Variants in HCRTR2 observed in about 807,000 individuals in gnomAD.
HCRTR2 encodes orexin receptor type 2.
HCRTR2 carries 22 observed loss-of-function variants against 49.0 expected under a neutral mutation model. The observed-to-expected ratio is 0.45, with a 90% CI of 0.32 to 0.64. HCRTR2 has a LOEUF of 0.64. HCRTR2 is among the 30% of genes least tolerant of loss of function. The pLI is 0.04. For missense variants in HCRTR2, 491 were observed against 559.4 expected (o/e 0.88, Z 1.23); for synonymous variants, 236 against 205.3 (o/e 1.15, Z -1.28).
intron 1 of HCRTR2, among the ~76,000 whole-genome samples, chr6:55,207,001 C>T (rs1459755729): frequency 2.0e-5 from 3 of 151,954 alleles, no homozygotes; most frequent in African/African-American, 7.2e-5. Flanking sequence ...TAAAATATGC[C>T]TAATTTTCCA....
chr6:55,166,847 A>T (rs1764884505), intron 1 of HCRTR2, among the ~76,000 whole-genome samples: 1 of 152,174 alleles, frequency 6.6e-6, no homozygotes, highest in Non-Finnish European at 1.5e-5. Flanking sequence ...ATATCCATAT[A>T]ATTAAATACT....
At chr6:55,133,352 T>C (rs1561982107) in intron 1 of HCRTR2, among the ~76,000 whole-genome samples, 1 of 149,722 alleles carries the variant, frequency 6.7e-6, no homozygotes, top group African/African-American at 2.5e-5. Context: ...TGTATGTGTG[T>C]GAGAGAGAGA....
At chr6:55,156,797 T>TATCTC (rs1192009680) in intron 1 of HCRTR2, among the ~76,000 whole-genome samples, 4 of 152,050 alleles carry the variant, frequency 2.6e-5, no homozygotes, top group Non-Finnish European at 4.4e-5. Context: ...AAAACATAAT[T>TATCTC]ATCTCACTAG....
At chr6:55,228,866 A>G (rs189086817) in intron 1 of HCRTR2, among the ~76,000 whole-genome samples, 1 of 152,330 alleles carries the variant, frequency 6.6e-6, no homozygotes, top group Non-Finnish European at 1.5e-5. Context: ...GAAAGTAAAC[A>G]TGTAGAAATG....
intron 1 of HCRTR2, among the ~76,000 whole-genome samples, chr6:55,224,287 A>T (rs1052394628): frequency 6.6e-6 from 1 of 152,182 alleles, no homozygotes; most frequent in Non-Finnish European, 1.5e-5. Flanking sequence ...AATAGCCAAG[A>T]TATAGAATCA....
At chr6:55,165,468 A>G (rs976994836) in intron 1 of HCRTR2, among the ~76,000 whole-genome samples, 1 of 151,986 alleles carries the variant, frequency 6.6e-6, no homozygotes, top group Non-Finnish European at 1.5e-5. Flanking sequence ...TATACATAAA[A>G]CCCCAAAATA....
chr6:55,248,925 C>T, intron 2 of HCRTR2, 108 bp downstream of exon 2: 1 of 899,554 alleles, frequency 1.1e-6, no homozygotes. Context: ...TTGCCTAAGG[C>T]ATTGACAAAC....
At chr6:55,267,102 G>A (rs1386165460) in intron 4 of HCRTR2, among the ~76,000 whole-genome samples, 1 of 152,034 alleles carries the variant, frequency 6.6e-6, no homozygotes, top group Non-Finnish European at 1.5e-5. Context: ...CCCCAAATGC[G>A]TGATTACATA....
intron 1 of HCRTR2, among the ~76,000 whole-genome samples, chr6:55,243,223 G>T (rs1766368596): frequency 6.6e-6 from 1 of 152,174 alleles, no homozygotes; most frequent in Non-Finnish European, 1.5e-5. Flanking sequence ...CACTGAATCT[G>T]CATTCTTGCC....
At chr6:55,202,928 C>A (rs752377588) in intron 1 of HCRTR2, among the ~76,000 whole-genome samples, 1 of 152,198 alleles carries the variant, frequency 6.6e-6, no homozygotes, top group Non-Finnish European at 1.5e-5. Context: ...TAAGCTTCAG[C>A]AGCTCCAATT....
At chr6:55,133,928 A>C (rs1229394924) in intron 1 of HCRTR2, among the ~76,000 whole-genome samples, 1 of 151,864 alleles carries the variant, frequency 6.6e-6, no homozygotes, top group Non-Finnish European at 1.5e-5. Context: ...TATTACAAAC[A>C]GTTTTTCTTA....
chr6:55,150,730 T>C (rs1431973274), intron 1 of HCRTR2, among the ~76,000 whole-genome samples: 1 of 152,054 alleles, frequency 6.6e-6, no homozygotes, highest in South Asian at 2.1e-4. Context: ...TTTATCCATT[T>C]TTCTATTGAT....
intron 1 of HCRTR2, among the ~76,000 whole-genome samples, chr6:55,149,084 C>G (rs925972223): frequency 6.6e-6 from 1 of 151,922 alleles, no homozygotes; most frequent in Non-Finnish European, 1.5e-5. Flanking sequence ...TGAACATAGC[C>G]AGAGAACCTT....
chr6:55,116,724 A>AAAACAAC (rs1554165904), intron 1 of HCRTR2, among the ~76,000 whole-genome samples: 3 of 144,170 alleles, frequency 2.1e-5, no homozygotes, highest in Non-Finnish European at 3.0e-5. Flanking sequence ...AGAAAAAAAA[A>AAAACAAC]AAAACTCTTA....
At chr6:55,186,855 G>A (rs2127275873) in intron 1 of HCRTR2, among the ~76,000 whole-genome samples, 1 of 152,220 alleles carries the variant, frequency 6.6e-6, no homozygotes, top group South Asian at 2.1e-4. Context: ...TAAGCTTTAG[G>A]AATCCTCTGT....
chr6:55,237,677 C>CT (rs1766240142), intron 1 of HCRTR2, among the ~76,000 whole-genome samples: 1 of 152,196 alleles, frequency 6.6e-6, no homozygotes, highest in Non-Finnish European at 1.5e-5. Context: ...TTTGATGTCC[C>CT]TTCTGCCTTA....
At position 55,263,813 on chromosome 6, in the gene HCRTR2, G is replaced by C. The variant is rs200649683; in HGVS notation, c.753G>C (p.Trp251Cys). 4.4e-6 allele frequency: 7 copies of C among 1,587,392 alleles called. No homozygotes were observed. The highest frequency in any genetic ancestry group is 5.2e-6 in the Non-Finnish European group (6 of 1,156,454). The change falls in exon 4 of 7, where the codon TGG (tryptophan) becomes TGC (cysteine). Residue 251 changes from tryptophan (W) to cysteine (C), a missense_variant. Physicochemically the swap from Trp to Cys is radical, Grantham distance 215. Coordinates refer to ENST00000370862, the MANE Select transcript of HCRTR2 (RefSeq NM_001384272.1). ...LAYLQIFRKL[W>C]CRQIPGTSSV... ...ATCTGCAAATATTTCGCAAACTCTG[G>C]TGTCGACAGGTATATAGTTTCAAAT...
intron 1 of HCRTR2, among the ~76,000 whole-genome samples, chr6:55,231,288 C>G (rs1257005469): frequency 6.6e-6 from 1 of 151,964 alleles, no homozygotes; most frequent in Non-Finnish European, 1.5e-5. Flanking sequence ...TTCAATATCC[C>G]TTTTTATTAA....
intron 1 of HCRTR2, among the ~76,000 whole-genome samples, chr6:55,241,661 A>G (rs1766333871): frequency 6.6e-6 from 1 of 152,138 alleles, no homozygotes; most frequent in African/African-American, 2.4e-5. Context: ...GCTGTGATTA[A>G]CATTGCATTG....
Sources: gnomAD v4.1 joint callset for allele counts (sites outside exome capture counted in the v4.1 genomes callset) on GRCh38, gnomAD v4.1.1 for gene constraint, MANE v1.5 for transcripts, NCBI Gene and HGNC (gene_info 2026-07-23, HGNC 2026-07-21) for gene names.